Variants in UPK1A observed in about 807,000 individuals in gnomAD.
The protein encoded by UPK1A is uroplakin-1a.
In UPK1A, 31 loss-of-function variants were observed where a neutral mutation model predicts 32.3. That is an observed-to-expected ratio of 0.96 (90% CI 0.72 to 1.30). The LOEUF is 1.30. UPK1A is among the 50% of genes most tolerant of loss of function. The pLI is 0.00. For synonymous variants in UPK1A, 135 were observed against 137.1 expected, an observed-to-expected ratio of 0.98 and a Z score of 0.11; for missense variants, 340 against 357.4, an observed-to-expected ratio of 0.95 and a Z score of 0.39.
intron 3 of UPK1A, among the ~76,000 whole-genome samples, chr19:35,672,377 T>C (rs780537948): frequency 9.9e-5 from 15 of 152,158 alleles, no homozygotes; most frequent in Non-Finnish European, 2.1e-4. Flanking sequence ...TTCTCCTATC[T>C]CATCCTCCTG....
intron 2 of UPK1A, among the ~76,000 whole-genome samples, chr19:35,667,709 G>A (rs185400271): frequency 6.6e-6 from 1 of 151,980 alleles, no homozygotes; most frequent in Non-Finnish European, 1.5e-5. Flanking sequence ...GGCCAGGCTG[G>A]TCTTGAACTC....
At position 35,674,332 on chromosome 19, in the gene UPK1A, C is replaced by T. The variant is rs147840565; in HGVS notation, c.468+787C>T. On this transcript the variant is annotated intron_variant, in intron 5 of 7. Coordinates refer to ENST00000617999, the Ensembl canonical transcript of UPK1A. The stretch of plus-strand genomic sequence containing the variant: ...CGCGATCTCGGCTCACTGCAAGCTC[C>T]GCCTCCCGGGTTCACGCTATTCTCC... Among the ~76,000 whole-genome samples the T allele has an allele frequency of 6.5e-4, 98 of 149,800 alleles. 1 individual carries two copies. The East Asian group carries it at 0.016, about 25-fold the overall frequency.
Position 35,673,230 on chromosome 19 carries a change from A to G in UPK1A, c.286-2A>G, listed in dbSNP as rs1472032619. The G allele has an allele frequency of 1.2e-6, 2 of 1,613,718 alleles. No homozygotes were observed. On this transcript the variant is annotated splice_acceptor_variant, in intron 3 of 7. Transcript: ENST00000617999. LOFTEE classifies it high-confidence loss of function. ...CGGGCCGTCCTCCCTCTGTCTCCCC[A>G]GTACCTGGTGCTCATGCTCATCGTC... is the stretch of plus-strand genomic sequence containing the variant.
chr19:35,666,827 A>G, exon 2 of UPK1A: 3 of 1,614,112 alleles, frequency 1.9e-6, no homozygotes, highest in Middle Eastern at 1.6e-4. Flanking sequence ...CGTCTGCGGC[A>G]GCAGCGGAGG....
intron 2 of UPK1A, among the ~76,000 whole-genome samples, 175 bp downstream of exon 2, chr19:35,667,071 C>T (rs1041335645): frequency 2.6e-5 from 4 of 152,084 alleles, no homozygotes; most frequent in East Asian, 1.9e-4. Flanking sequence ...CCTTAGCAAG[C>T]GACTGTCCCT....
At chr19:35,667,039 C>G (rs1359172680) in intron 2 of UPK1A, 143 bp downstream of exon 2, 7 of 748,880 alleles carry the variant, frequency 9.3e-6, no homozygotes, top group Non-Finnish European at 1.4e-5. Context: ...AATCCCAGCT[C>G]TGCCTCTCCC....
intron 3 of UPK1A, among the ~76,000 whole-genome samples, chr19:35,671,028 T>C (rs78730966): frequency 0.01 from 1,531 of 151,942 alleles, 24 homozygotes; most frequent in African/African-American, 0.034. Flanking sequence ...TATTTTCTTA[T>C]CCTGTATTTA....
chr19:35,675,699 C>A, intron 5 of UPK1A, 141 bp from the exon 6 acceptor site: 1 of 961,410 alleles, frequency 1.0e-6, no homozygotes, highest in Non-Finnish European at 1.5e-6. Context: ...ACCGGACACA[C>A]TCGCTTGGAG....
exon 8 of UPK1A, chr19:35,678,199 C>A: frequency 1.4e-6 from 1 of 736,428 alleles, no homozygotes; most frequent in Non-Finnish European, 2.1e-6. Context: ...CAGGTGTGCC[C>A]TGAAACCCCA....
At chr19:35,671,712 T>C (rs1462071505) in intron 3 of UPK1A, among the ~76,000 whole-genome samples, 2 of 151,448 alleles carry the variant, frequency 1.3e-5, no homozygotes, top group South Asian at 2.1e-4. Context: ...TCCGCCCACC[T>C]CGGCTTCCCA....
intron 3 of UPK1A, 127 bp from the exon 4 acceptor site, chr19:35,673,102 ATAT>A: frequency 1.3e-6 from 1 of 771,406 alleles, no homozygotes; most frequent in Non-Finnish European, 2.2e-6. Flanking sequence ...CACCCACCAC[ATAT>A]TATAGATGCT....
chr19:35,672,381 C>T (rs1968115061), intron 3 of UPK1A, among the ~76,000 whole-genome samples: 1 of 152,100 alleles, frequency 6.6e-6, no homozygotes, highest in African/African-American at 2.4e-5. Context: ...CCTATCTCAT[C>T]CTCCTGAGTA....
intron 2 of UPK1A, chr19:35,668,208 G>T (rs540352179): frequency 1.6e-5 from 9 of 569,328 alleles, no homozygotes; most frequent in South Asian, 1.4e-4. Flanking sequence ...GCCTTTCCAC[G>T]TGGCATCCCC....
At chr19:35,668,122 C>T (rs939917328) in intron 2 of UPK1A, 4 of 405,662 alleles carry the variant, frequency 9.9e-6, no homozygotes, top group African/African-American at 6.1e-5. Context: ...CCATGTTCCC[C>T]TCCTCGGGGA....
exon 3 of UPK1A, chr19:35,668,619 G>A (rs755349501): frequency 5.6e-6 from 9 of 1,613,724 alleles, no homozygotes; most frequent in Non-Finnish European, 1.7e-6. Flanking sequence ...TGGTGTGGGT[G>A]CCGCACTCTG....
rs137920282 is a variant in UPK1A at position 35,677,830 on chromosome 19, G to A, written c.667G>A (p.Gly223Ser). The change falls in exon 7 of 8, where the codon GGC (glycine) becomes AGC (serine). Residue 223 changes from glycine to serine, a missense_variant. Physicochemically the swap from Gly to Ser is moderately conservative, Grantham distance 56. Coordinates refer to ENST00000617999, the Ensembl canonical transcript of UPK1A. ...TGCCCAGGGCTGCTTCGAACACATCGGCCACGCCATCGACAGCTACACGTG... is the reference window on the plus strand; with the variant it reads ...TGCCCAGGGCTGCTTCGAACACATCAGCCACGCCATCGACAGCTACACGTG... 55 of 1,611,984 alleles carry A rather than the reference G, an allele frequency of 3.4e-5. 2 individuals are homozygous for A. The African/African-American group carries it at 4.3e-4, about 13-fold the overall frequency.
chr19:35,672,835 C>T (rs891933099), intron 3 of UPK1A, among the ~76,000 whole-genome samples: 2 of 152,118 alleles, frequency 1.3e-5, no homozygotes, highest in African/African-American at 4.8e-5. Flanking sequence ...CCATCTCAGC[C>T]TCCCAAAGTG....
chr19:35,669,937 G>A (rs555700070), intron 3 of UPK1A, among the ~76,000 whole-genome samples: 5 of 152,292 alleles, frequency 3.3e-5, no homozygotes, highest in African/African-American at 1.2e-4. Context: ...GCTACATGCT[G>A]AGCCCTACGC....
chr19:35,671,155 G>A (rs1475340627), intron 3 of UPK1A, among the ~76,000 whole-genome samples: 1 of 151,900 alleles, frequency 6.6e-6, no homozygotes. Context: ...TTGGGAGGCC[G>A]AGGCAGGTGG....
Sources: gnomAD v4.1 joint callset for allele counts (sites outside exome capture counted in the v4.1 genomes callset) on GRCh38, gnomAD v4.1.1 for gene constraint, MANE v1.5 for transcripts, NCBI Gene and HGNC (gene_info 2026-07-23, HGNC 2026-07-21) for gene names.